PCDH9: variants seen among roughly 807,000 people sequenced by gnomAD.
PCDH9 encodes protocadherin 9.
Under a neutral mutation model 70.6 loss-of-function variants are expected in PCDH9, and 24 were observed. The observed-to-expected ratio is 0.34, with a 90% CI of 0.25 to 0.48. The LOEUF (loss-of-function observed/expected upper bound fraction) is 0.48. Ranked by LOEUF, PCDH9 falls within the 20% of genes least tolerant of loss-of-function variation. The pLI, the probability that PCDH9 is intolerant of heterozygous loss-of-function variation, is 0.99. For missense variants in PCDH9, 1,281 were observed against 1,503.6 expected (o/e 0.85, Z 2.45); for synonymous variants, 562 against 558.5 (o/e 1.01, Z -0.09).
At chr13:66,626,513 A>G (rs942939042) in intron 4 of PCDH9, among the ~76,000 whole-genome samples, 1 of 152,174 alleles carries the variant, frequency 6.6e-6, no homozygotes, top group African/African-American at 2.4e-5. Flanking sequence ...GAGACAATGG[A>G]CATATAAGCA....
At chr13:66,745,578 G>A (rs1374941477) in intron 3 of PCDH9, among the ~76,000 whole-genome samples, 1 of 152,134 alleles carries the variant, frequency 6.6e-6, no homozygotes, top group East Asian at 1.9e-4. Flanking sequence ...GGAACAGTGG[G>A]AGAGCTTTCA....
chr13:66,437,511 T>G (rs1048715793), intron 4 of PCDH9, among the ~76,000 whole-genome samples: 2 of 151,730 alleles, frequency 1.3e-5, no homozygotes, highest in Non-Finnish European at 2.9e-5. Flanking sequence ...AGTAGGATTC[T>G]TATCACATAC....
At chr13:66,584,388 A>G (rs974577083) in intron 4 of PCDH9, among the ~76,000 whole-genome samples, 1 of 152,198 alleles carries the variant, frequency 6.6e-6, no homozygotes, top group African/African-American at 2.4e-5. Flanking sequence ...AAAAGCACCA[A>G]TTCCAAGATT....
intron 2 of PCDH9, among the ~76,000 whole-genome samples, chr13:67,083,256 A>C (rs190074397): frequency 2.6e-4 from 40 of 152,306 alleles, no homozygotes; most frequent in Non-Finnish European, 4.7e-4. Context: ...AGAGTTTTGC[A>C]TAATTAATGT....
intron 4 of PCDH9, among the ~76,000 whole-genome samples, chr13:66,310,545 C>T (rs1048459102): frequency 2.0e-5 from 3 of 151,978 alleles, no homozygotes; most frequent in Non-Finnish European, 4.4e-5. Context: ...CTGTTGACCA[C>T]CGACCTTTCA....
At chr13:66,426,822 G>T (rs768819310) in intron 4 of PCDH9, among the ~76,000 whole-genome samples, 1 of 151,028 alleles carries the variant, frequency 6.6e-6, no homozygotes, top group Non-Finnish European at 1.5e-5. Flanking sequence ...TTTTTCTTTT[G>T]TGTAAAAAAT....
chr13:67,163,586 C>T (rs79600619), intron 2 of PCDH9, among the ~76,000 whole-genome samples: 1 of 152,170 alleles, frequency 6.6e-6, no homozygotes, highest in Non-Finnish European at 1.5e-5. Context: ...GGCATTCAGA[C>T]AGTAATTACA....
chr13:66,373,628 G>C (rs187693853), intron 4 of PCDH9, among the ~76,000 whole-genome samples: 2 of 151,996 alleles, frequency 1.3e-5, no homozygotes, highest in African/African-American at 4.8e-5. Context: ...ATAGTGGAGA[G>C]AGAATGTCAA....
At chr13:66,382,335 AT>A (rs1429192774) in intron 4 of PCDH9, among the ~76,000 whole-genome samples, 1 of 152,176 alleles carries the variant, frequency 6.6e-6, no homozygotes, top group African/African-American at 2.4e-5. Context: ...AAGGAAAGAT[AT>A]CTGATGAGAC....
intron 3 of PCDH9, among the ~76,000 whole-genome samples, chr13:66,711,780 G>C (rs1413859577): frequency 6.6e-6 from 1 of 152,090 alleles, no homozygotes; most frequent in Non-Finnish European, 1.5e-5. Context: ...TGAGCTCTTT[G>C]GAGTCTGCTG....
rs771649357 is a variant in PCDH9, at chr13:67,132,864, T to TA, written c.3036+92540dup. Among the ~76,000 whole-genome samples, 5 of 152,238 alleles carry TA rather than the reference T, an allele frequency of 3.3e-5. No homozygotes were observed. The East Asian group carries it at 7.7e-4, about 24-fold the overall frequency. ...CTTCCTTACTTCTAGCTAAAACTCTTACGTTCCTCCAAGCCCTGCTGAGAT... is the reference window on the plus strand; with the variant it reads ...CTTCCTTACTTCTAGCTAAAACTCTTAACGTTCCTCCAAGCCCTGCTGAGAT... On this transcript the variant is annotated intron_variant, in intron 2 of 4. Coordinates refer to ENST00000377865, the MANE Select transcript of PCDH9 (RefSeq NM_203487.3).
chr13:66,582,152 C>G (rs1566434867), intron 4 of PCDH9, among the ~76,000 whole-genome samples: 4 of 152,010 alleles, frequency 2.6e-5, no homozygotes, highest in Admixed American at 6.6e-5. Context: ...GCATTCTGTT[C>G]TCTTAAAAAA....
At chr13:66,885,066 C>T (rs2081985121) in intron 3 of PCDH9, among the ~76,000 whole-genome samples, 2 of 152,158 alleles carry the variant, frequency 1.3e-5, no homozygotes, top group Admixed American at 1.3e-4. Flanking sequence ...CTGCCCCTCA[C>T]TTTTGCTATC....
chr13:66,877,724 T>C (rs2081843511), intron 3 of PCDH9, among the ~76,000 whole-genome samples: 1 of 152,210 alleles, frequency 6.6e-6, no homozygotes, highest in South Asian at 2.1e-4. Flanking sequence ...ACCTTTCAGG[T>C]ACACAATGTT....
At chr13:66,949,364 G>A (rs775396236) in intron 2 of PCDH9, among the ~76,000 whole-genome samples, 1 of 152,016 alleles carries the variant, frequency 6.6e-6, no homozygotes, top group Non-Finnish European at 1.5e-5. Context: ...CATCAAAAAC[G>A]TGGAACTAGG....
chr13:66,959,452 C>A (rs1328279826), intron 2 of PCDH9, among the ~76,000 whole-genome samples: 2 of 152,052 alleles, frequency 1.3e-5, no homozygotes, highest in East Asian at 3.9e-4. Context: ...TAAGAAATTA[C>A]TTAAGAAAAG....
At chr13:66,768,713 C>A (rs192788204) in intron 3 of PCDH9, among the ~76,000 whole-genome samples, 35 of 152,112 alleles carry the variant, frequency 2.3e-4, no homozygotes, top group Non-Finnish European at 5.2e-4. Context: ...ATGAAAGAAA[C>A]CCCATGCTGA....
intron 2 of PCDH9, among the ~76,000 whole-genome samples, chr13:66,909,998 A>G (rs1032478601): frequency 6.6e-6 from 1 of 152,108 alleles, no homozygotes; most frequent in Non-Finnish European, 1.5e-5. Context: ...TTGACCCTAC[A>G]GATAATGCTC....
At chr13:66,936,340 A>G (rs945125216) in intron 2 of PCDH9, among the ~76,000 whole-genome samples, 1 of 152,134 alleles carries the variant, frequency 6.6e-6, no homozygotes, top group African/African-American at 2.4e-5. Flanking sequence ...TGAGATTCAG[A>G]TTTTTTGTTT....
Sources: allele counts gnomAD v4.1 joint callset (sites outside exome capture counted in the v4.1 genomes callset), GRCh38; gene constraint gnomAD v4.1.1; transcripts MANE v1.5; gene names NCBI Gene and HGNC (gene_info 2026-07-23, HGNC 2026-07-21).